The following CAB39 variants were observed in gnomAD, a reference collection of about 807,000 sequenced individuals.
CAB39 encodes the protein calcium binding protein 39.
A neutral mutation model predicts 40.0 loss-of-function variants in CAB39; 8 were observed. The observed-to-expected ratio is 0.20, with a 90% confidence interval of 0.12 to 0.36. The LOEUF (loss-of-function observed/expected upper bound fraction) is 0.36. CAB39 is among the 10% of genes least tolerant of loss of function. The pLI, the probability that CAB39 is intolerant of heterozygous loss-of-function variation, is 1.00. For synonymous variants in CAB39, 156 were observed against 141.6 expected, an observed-to-expected ratio of 1.10 and a Z score of -0.72; for missense variants, 270 against 401.1, an observed-to-expected ratio of 0.67 and a Z score of 2.79.
rs1171064545 is a variant in CAB39 at position 230,820,819 on chromosome 2, A to G, written c.*2115A>G. 3.3e-5 allele frequency: 5 copies of G among 152,660 alleles called. No individual in the cohort carries two copies. The highest frequency in any genetic ancestry group is 7.3e-5 in the Non-Finnish European group (5 of 68,050). The allele number at this position is 152,660 out of a possible 1,614,324, so 9.5% of individuals were successfully genotyped here. A position where few individuals can be genotyped will look rare whatever the true frequency, so the allele number is the denominator to read the frequency against. ...AAAACATTTAAGTTTGAAATGTTGC[A>G]TTTGAAGTTATGATCATTTAATATA... On this transcript the variant is annotated 3_prime_UTR_variant, in exon 9 of 9. Coordinates refer to ENST00000258418, the MANE Select transcript of CAB39 (RefSeq NM_016289.4).
intron 5 of CAB39, among the ~76,000 whole-genome samples, chr2:230,808,622 T>G (rs1575962202): frequency 6.6e-6 from 1 of 152,170 alleles, no homozygotes; most frequent in South Asian, 2.1e-4. Flanking sequence ...AACTCTTGAG[T>G]GTACTCAGAA....
intron 1 of CAB39, among the ~76,000 whole-genome samples, chr2:230,716,682 C>T (rs10209448): frequency 0.072 from 10,899 of 152,322 alleles, 572 homozygotes; most frequent in Middle Eastern, 0.13. Flanking sequence ...GATTATAGGC[C>T]TGACCACACT....
intron 2 of CAB39, among the ~76,000 whole-genome samples, chr2:230,780,717 A>T (rs1284175624): frequency 6.6e-6 from 1 of 152,226 alleles, no homozygotes; most frequent in Admixed American, 6.5e-5. Context: ...CTCATTACTG[A>T]TGATGGTCAG....
In CAB39 at chr2:230,820,078, G is replaced by A. The variant is rs1453607127; in HGVS notation, c.*1374G>A. 1 of 152,436 alleles carries A rather than the reference G, an allele frequency of 6.6e-6. No homozygotes were observed. Among genetic ancestry groups the A allele is most frequent in the African/African-American group, 2.4e-5 (1 of 41,382 alleles). 9.4% of individuals were successfully genotyped at this position (152,436 alleles called of 1,614,324 possible). A position where few individuals can be genotyped will look rare whatever the true frequency, so the allele number is the denominator to read the frequency against. On this transcript the variant is annotated 3_prime_UTR_variant, in exon 9 of 9. Coordinates refer to ENST00000258418, the MANE Select transcript of CAB39 (RefSeq NM_016289.4). ...GTAACTGATTTTGCACCACTTTTTT[G>A]TTACTGTGACCACGGCAGAACAATG...
intron 5 of CAB39, among the ~76,000 whole-genome samples, chr2:230,805,210 T>C (rs1175120468): frequency 1.4e-5 from 2 of 144,178 alleles, no homozygotes; most frequent in African/African-American, 5.3e-5. Context: ...TGAGAACCCT[T>C]GGACACAGGG....
intron 1 of CAB39, among the ~76,000 whole-genome samples, chr2:230,747,022 T>C (rs766608120): frequency 1.3e-5 from 2 of 152,178 alleles, no homozygotes; most frequent in Non-Finnish European, 2.9e-5. Flanking sequence ...TCTTACACTT[T>C]TACTGTGGAG....
At chr2:230,774,100 T>C (rs1281846074) in intron 2 of CAB39, among the ~76,000 whole-genome samples, 2 of 152,220 alleles carry the variant, frequency 1.3e-5, no homozygotes, top group African/African-American at 4.8e-5. Context: ...TGTTATTTAC[T>C]AGGCTTATTA....
chr2:230,731,684 A>G (rs935911404), intron 1 of CAB39, among the ~76,000 whole-genome samples: 1 of 152,116 alleles, frequency 6.6e-6, no homozygotes, highest in Admixed American at 6.5e-5. Flanking sequence ...TTTCTTGTAG[A>G]CACGGGGTCT....
chr2:230,724,645 C>T (rs1575899881), intron 1 of CAB39, among the ~76,000 whole-genome samples: 1 of 146,934 alleles, frequency 6.8e-6, no homozygotes. Context: ...CGCGCCATTG[C>T]ACTCCAGCCT....
rs749750140 is a variant in CAB39 at position 230,810,306 on chromosome 2, A to T, written c.611A>T (p.Glu204Val). ...RHKLLSAEFL[E>V]QHYDRFFSEY... Reference sequence around the variant, plus strand: ...AAATTGCTCAGTGCAGAATTTTTGGAACAGCATTATGATAGAGTAAGTATA... The same window carrying T: ...AAATTGCTCAGTGCAGAATTTTTGGTACAGCATTATGATAGAGTAAGTATA... Residue 204 changes from glutamate (E) to valine (V), a missense_variant, in exon 6 of 9, where the codon GAA becomes GTA. Coordinates refer to ENST00000258418, the MANE Select transcript of CAB39 (RefSeq NM_016289.4). The T allele has an allele frequency of 7.1e-7, 1 of 1,401,204 alleles. No homozygotes were observed. Among genetic ancestry groups the T allele is most frequent in the South Asian group, 1.3e-5 (1 of 76,524 alleles). 86.8% of individuals were successfully genotyped at this position (1,401,204 alleles called of 1,614,324 possible).
At chr2:230,745,914 G>A (rs572801360) in intron 1 of CAB39, among the ~76,000 whole-genome samples, 1 of 152,190 alleles carries the variant, frequency 6.6e-6, no homozygotes, top group Non-Finnish European at 1.5e-5. Flanking sequence ...ATGAGCCACC[G>A]CGCCTGGCCA....
intron 2 of CAB39, among the ~76,000 whole-genome samples, chr2:230,783,149 A>G (rs1205003856): frequency 2.0e-5 from 3 of 151,942 alleles, no homozygotes; most frequent in African/African-American, 7.3e-5. Flanking sequence ...TCTTTAGTGG[A>G]GCACCAGATG....
At chr2:230,743,273 C>T (rs951564112) in intron 1 of CAB39, among the ~76,000 whole-genome samples, 22 of 152,044 alleles carry the variant, frequency 1.4e-4, no homozygotes, top group Non-Finnish European at 2.5e-4. Context: ...AAAGTAAGGC[C>T]GGCTATGTCT....
intron 2 of CAB39, among the ~76,000 whole-genome samples, chr2:230,773,253 G>C (rs1169011601): frequency 6.6e-6 from 1 of 150,890 alleles, no homozygotes; most frequent in Non-Finnish European, 1.5e-5. Context: ...CGGTTTTGGT[G>C]GTTACAGAGG....
intron 1 of CAB39, among the ~76,000 whole-genome samples, chr2:230,748,821 AAAAAAAAAAAATATATAT>A (rs1695022696): frequency 1.7e-5 from 1 of 57,206 alleles, no homozygotes; most frequent in Admixed American, 2.1e-4. Context: ...AAGAAAAAAA[AAAAAAAAAAAATATATAT>A]ATATATATAT....
chr2:230,741,092 C>T lies in CAB39; in HGVS notation c.-43-18867C>T, dbSNP rs144052335. Among the ~76,000 whole-genome samples the T allele has an allele frequency of 6.6e-5, 10 of 152,272 alleles. No individual in the cohort carries two copies. In the East Asian group the frequency reaches 1.5e-3, roughly 23 times the overall value. ...AGGAATGCCTGGAGAATAATTCAGG[C>T]GGTCCCCTGATTAATTCCCCCAAGG... On this transcript the variant is annotated intron_variant, in intron 1 of 8. Coordinates refer to ENST00000258418, the MANE Select transcript of CAB39 (RefSeq NM_016289.4).
intron 1 of CAB39, among the ~76,000 whole-genome samples, 156 bp downstream of exon 1, chr2:230,713,386 G>A (rs940472301): frequency 6.6e-6 from 1 of 152,202 alleles, no homozygotes; most frequent in Non-Finnish European, 1.5e-5. Flanking sequence ...GAGCAGCCGG[G>A]CCCAGCCTGC....
At chr2:230,760,737 A>G (rs1453516643) in intron 2 of CAB39, among the ~76,000 whole-genome samples, 1 of 152,126 alleles carries the variant, frequency 6.6e-6, no homozygotes, top group African/African-American at 2.4e-5. Context: ...CCACAGTCCA[A>G]AACCCAACTT....
intron 6 of CAB39, among the ~76,000 whole-genome samples, chr2:230,812,632 G>A (rs978470548): frequency 9.2e-5 from 14 of 152,176 alleles, no homozygotes; most frequent in African/African-American, 3.4e-4. Context: ...AATTTGAGAA[G>A]GTAGACTTAA....
Sources: allele counts gnomAD v4.1 joint callset (sites outside exome capture counted in the v4.1 genomes callset), GRCh38; gene constraint gnomAD v4.1.1; transcripts MANE v1.5; gene names NCBI Gene and HGNC (gene_info 2026-07-23, HGNC 2026-07-21).